CARD10: variants seen among roughly 807,000 people sequenced by gnomAD.
The protein encoded by CARD10 is caspase recruitment domain family member 10.
A neutral mutation model predicts 114.6 loss-of-function variants in CARD10; 49 were observed. That is an observed-to-expected ratio of 0.43 (90% CI 0.34 to 0.54). The LOEUF (loss-of-function observed/expected upper bound fraction) is 0.54. Ranked by LOEUF, CARD10 falls within the 20% of genes least tolerant of loss-of-function variation. The pLI, the probability that CARD10 is intolerant of heterozygous loss-of-function variation, is 0.03. For missense variants in CARD10, 1,206 were observed against 1,397.2 expected (o/e 0.86, Z 2.18); for synonymous variants, 602 against 593.2 (o/e 1.01, Z -0.21).
intron 3 of CARD10, among the ~76,000 whole-genome samples, chr22:37,515,647 G>C (rs1356017688): frequency 2.6e-5 from 4 of 151,842 alleles, no homozygotes; most frequent in African/African-American, 7.3e-5. Context: ...TTTTAGGCTA[G>C]GTAATTCTTT....
rs2145754617 is a variant in CARD10 at position 37,496,111 on chromosome 22, C to T, written c.2060-108G>A. 1 of 1,401,172 alleles carries T rather than the reference C, an allele frequency of 7.1e-7. No individual in the cohort carries two copies. Among genetic ancestry groups the T allele is most frequent in the South Asian group, 1.4e-5 (1 of 73,452 alleles). 86.8% of individuals were successfully genotyped at this position (1,401,172 alleles called of 1,614,324 possible). A position where few individuals can be genotyped will look rare whatever the true frequency, so the allele number is the denominator to read the frequency against. The stretch of plus-strand genomic sequence containing the variant: ...ACATGGCCCTCTCGAGGCCTGAGTT[C>T]CCAGGACCCGACCTTCACCTTCTTA... On this transcript the variant is annotated intron_variant, in intron 13 of 19. Transcript: ENST00000251973. This position sits in a 1 kb window ranked among gnomAD's most constrained non-coding sequence, Gnocchi z 4.1.
At position 37,492,358 on chromosome 22, in the gene CARD10, T is replaced by C; in HGVS notation, c.2751+77A>G. Reference sequence around the variant, plus strand: ...CAGAGCATGGCCCGCGCTCAGACGCTGGCGCTCAAGCCCAGAACAGCAGCA... The same window carrying C: ...CAGAGCATGGCCCGCGCTCAGACGCCGGCGCTCAAGCCCAGAACAGCAGCA... On this transcript the variant is annotated intron_variant, in intron 18 of 19. Coordinates refer to ENST00000251973, the MANE Select transcript of CARD10 (RefSeq NM_014550.4). The surrounding 1 kb of genome is among the most constrained non-coding windows in gnomAD (Gnocchi z 5.7). 8.9e-7 allele frequency: 1 copy of C among 1,122,584 alleles called. No homozygotes were observed. The highest frequency in any genetic ancestry group is 2.6e-5 in the Admixed American group (1 of 38,346). 69.5% of individuals were successfully genotyped at this position (1,122,584 alleles called of 1,614,324 possible). A position where few individuals can be genotyped will look rare whatever the true frequency, so the allele number is the denominator to read the frequency against.
At position 37,519,364 on chromosome 22, in the gene CARD10, G is replaced by A. The variant is rs944422877; in HGVS notation, c.-164C>T. The A allele has an allele frequency of 1.6e-6, 2 of 1,231,126 alleles. No homozygotes were observed. Among genetic ancestry groups the A allele is most frequent in the Non-Finnish European group, 2.0e-6 (2 of 987,616 alleles). The allele number at this position is 1,231,126 out of a possible 1,614,324, so 76.3% of individuals were successfully genotyped here. A position where few individuals can be genotyped will look rare whatever the true frequency, so the allele number is the denominator to read the frequency against. ...TCACCCCGCACGCTACAGTCGCCTC[G>A]GGCTCCCGGGTCCGCACTCGGGCGG... is the stretch of plus-strand genomic sequence containing the variant. On this transcript the variant is annotated 5_prime_UTR_variant, in exon 1 of 20. Transcript: ENST00000251973. The surrounding 1 kb of genome is among the most constrained non-coding windows in gnomAD (Gnocchi z 4.1).
chr22:37,492,801 C>T lies in CARD10; in HGVS notation c.2478G>A (p.Glu826=). The T allele has an allele frequency of 6.2e-7, 1 of 1,610,636 alleles. No homozygotes were observed. Among genetic ancestry groups the T allele is most frequent in the East Asian group, 2.2e-5 (1 of 44,856 alleles). ...TGTAGGGTCTGAGGCTCCGCTCCGG[C>T]TCTGTGGCAGGGGAGGGGCGCAAAA... The part of the protein sequence containing the change: ...PDQLLLEPCA[E]PERSLRPYSL... Residue 826 remains glutamate (E), a splice_region_variant and synonymous_variant, in exon 17 of 20, where the codon GAG becomes GAA. Transcript: ENST00000251973. This position sits in a 1 kb window ranked among gnomAD's most constrained non-coding sequence, Gnocchi z 5.7.
chr22:37,499,144 G>C (rs750330231), intron 11 of CARD10, among the ~76,000 whole-genome samples: 1 of 152,028 alleles, frequency 6.6e-6, no homozygotes, highest in South Asian at 2.1e-4. Flanking sequence ...CATGTGTACC[G>C]GGTTTCTCTC....
At chr22:37,515,914 A>T in intron 3 of CARD10, 59 bp downstream of exon 3, 1 of 1,377,514 alleles carries the variant, frequency 7.3e-7, no homozygotes, top group Non-Finnish European at 9.9e-7. Flanking sequence ...CTGGCTGGCT[A>T]CTACATTGCA....
In CARD10 at chr22:37,494,131, G is replaced by T. The variant is rs1340949360; in HGVS notation, c.2431C>A (p.Pro811Thr). 5 of 1,560,108 alleles carry T rather than the reference G, an allele frequency of 3.2e-6. 1 individual carries two copies. The South Asian group carries it at 4.7e-5, about 15-fold the overall frequency. Residue 811 changes from proline (P) to threonine (T), a missense_variant, in exon 16 of 20, where the codon CCT (proline) becomes ACT (threonine). By Grantham distance (38) the Pro-to-Thr change is conservative (BLOSUM62 -1). This residue lies in a region of CARD10 where 1,068 missense variants were observed against 1,179.1 expected (regional missense o/e 0.91). Transcript: ENST00000251973. Reference sequence around the variant, plus strand: ...AGCTGATCCGGGGAGTCCCCTGCAGGCGCCCCCACGGGCTTGGGCCTCACC... The same window carrying T: ...AGCTGATCCGGGGAGTCCCCTGCAGTCGCCCCCACGGGCTTGGGCCTCACC... The part of the protein sequence containing the change: ...RLVRPKPVGA[P>T]AGDSPDQLLL...
chr22:37,501,555 T>C lies in CARD10; in HGVS notation c.1787+1047A>G, dbSNP rs1289448242. On this transcript the variant is annotated intron_variant, in intron 11 of 19. Transcript: ENST00000251973. The surrounding 1 kb of genome is among the most constrained non-coding windows in gnomAD (Gnocchi z 5.4). ...CTGGTCCTATGCTGTACCCATCTGC[T>C]GCGTGACCCATCCCTCTGCACCCAA... 6.6e-6 allele frequency among the ~76,000 whole-genome samples: 1 copy of C among 152,204 alleles called. No homozygotes were observed. Among genetic ancestry groups the C allele is most frequent in the African/African-American group, 2.4e-5 (1 of 41,462 alleles).
rs1265162481 is a variant in CARD10, at chr22:37,504,254, C to G, written c.1566G>C (p.Leu522=). 5 of 1,579,850 alleles carry G rather than the reference C, an allele frequency of 3.2e-6. No homozygotes were observed. Among genetic ancestry groups the G allele is most frequent in the Non-Finnish European group, 4.3e-6 (5 of 1,162,282 alleles). ...SEKEINRLSI[L]PFPPSAGSIL... ...TGGAGCCGGCACTGGGGGGGAAGGGCAGGATGGAGAGCCGATTGATCTCCT... is the reference window on the plus strand; with the variant it reads ...TGGAGCCGGCACTGGGGGGGAAGGGGAGGATGGAGAGCCGATTGATCTCCT... Residue 522 remains leucine, a synonymous_variant, in exon 9 of 20, where the codon CTG becomes CTC. Transcript: ENST00000251973.
rs777663688 is a variant in CARD10 at position 37,507,815 on chromosome 22, C to T, written c.1191+14G>A. ...CAACTGGCCCAGGGCCTCGTACACGCAGGCTGGGCTCACCTGGTCTCGCTC... is the reference window on the plus strand; with the variant it reads ...CAACTGGCCCAGGGCCTCGTACACGTAGGCTGGGCTCACCTGGTCTCGCTC... On this transcript the variant is annotated intron_variant, in intron 6 of 19. Transcript: ENST00000251973. The T allele has an allele frequency of 2.4e-5, 38 of 1,614,052 alleles. 1 individual carries two copies. In the Middle Eastern group the frequency reaches 5.0e-4, roughly 21 times the overall value.
chr22:37,500,640 G>A (rs551368889), intron 11 of CARD10, among the ~76,000 whole-genome samples: 7 of 152,226 alleles, frequency 4.6e-5, no homozygotes, highest in South Asian at 4.1e-4. Context: ...CACACAATAC[G>A]GATGTGAGAT....
At position 37,498,905 on chromosome 22, in the gene CARD10, T is replaced by TG. The variant is rs57436795; in HGVS notation, c.1788-1728dup. Among the ~76,000 whole-genome samples the TG allele has an allele frequency of 9.9e-3, 748 of 75,556 alleles. 2 individuals are homozygous for TG. The highest frequency in any genetic ancestry group is 0.016 in the East Asian group (41 of 2,548). The allele number at this position is 75,556 out of a possible 152,430, so 49.6% of individuals were successfully genotyped here. On this transcript the variant is annotated intron_variant, in intron 11 of 19. Transcript: ENST00000251973. Reference sequence around the variant, plus strand: ...CTTGCCCTCTGTGGGTGCTGGGGGGTGGGGGGGGGGGGCACATGAATAAAA... The same window carrying TG: ...CTTGCCCTCTGTGGGTGCTGGGGGGTGGGGGGGGGGGGGCACATGAATAAAA...
intron 6 of CARD10, 107 bp from the exon 7 acceptor site, chr22:37,506,490 T>A: frequency 1.3e-6 from 1 of 781,094 alleles, no homozygotes; most frequent in East Asian, 2.8e-5. Flanking sequence ...CAGCTATCAC[T>A]TACTGAGCAC....
At chr22:37,508,758 C>A in intron 4 of CARD10, 76 bp from the exon 5 acceptor site, 4 of 1,443,266 alleles carry the variant, frequency 2.8e-6, no homozygotes, top group Non-Finnish European at 3.7e-6. Context: ...AGGGGACACG[C>A]AGCTCTCAGC....
In CARD10 at chr22:37,492,903, G is replaced by T; in HGVS notation, c.2477-101C>A. On this transcript the variant is annotated intron_variant, in intron 16 of 19. Transcript: ENST00000251973. The surrounding 1 kb of genome is among the most constrained non-coding windows in gnomAD (Gnocchi z 5.7). ...CACCCCGCCACCCATCCCTTCCTAA[G>T]TCCTGCTGCTGCTCCTCCTACACAT... 1 of 1,262,908 alleles carries T rather than the reference G, an allele frequency of 7.9e-7. No individual in the cohort carries two copies. The highest frequency in any genetic ancestry group is 1.1e-6 in the Non-Finnish European group (1 of 918,006). The allele number at this position is 1,262,908 out of a possible 1,614,324, so 78.2% of individuals were successfully genotyped here.
At chr22:37,511,375 A>G (rs11705581) in intron 3 of CARD10, among the ~76,000 whole-genome samples, 13,850 of 115,752 alleles carry the variant, frequency 0.12, 1,134 homozygotes, top group Non-Finnish European at 0.17. Context: ...AAAAAAAAAA[A>G]AAGAAGAAGA....
Position 37,491,242 on chromosome 22 carries a change from C to A in CARD10, c.3016G>T (p.Gly1006Cys). ...CGGGCCTGCTCCTGCAGGATGCGGC[C>A]GCGCACCACCTTGGCCAGCTCCTCT... ...HAEELAKVVR[G>C]RILQEQARLV... Residue 1006 changes from glycine to cysteine, a missense_variant, in exon 20 of 20, where the codon GGC becomes TGC. Around this residue, in one of 2 missense-constraint regions of CARD10, gnomAD observed 1,068 missense variants for 1,179.1 expected, o/e 0.91. Transcript: ENST00000251973. 6.4e-7 allele frequency: 1 copy of A among 1,566,370 alleles called. No individual in the cohort carries two copies. The highest frequency in any genetic ancestry group is 1.3e-5 in the African/African-American group (1 of 74,210).
rs1170225259 is a variant in CARD10 at position 37,519,323 on chromosome 22, C to T, written c.-123G>A. On this transcript the variant is annotated 5_prime_UTR_variant, in exon 1 of 20. Transcript: ENST00000251973. The surrounding 1 kb of genome is among the most constrained non-coding windows in gnomAD (Gnocchi z 4.1). ...GCAGACCCGCCGTCGGGGGCGCGCC[C>T]CGAGCTCCCCGCGACTCACCCCGCA... 2 of 1,339,090 alleles carry T rather than the reference C, an allele frequency of 1.5e-6. No homozygotes were observed. Among genetic ancestry groups the T allele is most frequent in the Non-Finnish European group, 9.5e-7 (1 of 1,048,650 alleles). The allele number at this position is 1,339,090 out of a possible 1,614,324, so 83.0% of individuals were successfully genotyped here.
chr22:37,503,913 T>C lies in CARD10; in HGVS notation c.1634+273A>G, dbSNP rs760381546. Reference sequence around the variant, plus strand: ...GAACCATCAAGCTTCTCCTTGGGTATAGGATCTTCAAGGCTTGACCCCCAG... The same window carrying C: ...GAACCATCAAGCTTCTCCTTGGGTACAGGATCTTCAAGGCTTGACCCCCAG... On this transcript the variant is annotated intron_variant, in intron 9 of 19. Coordinates refer to ENST00000251973, the MANE Select transcript of CARD10 (RefSeq NM_014550.4). 131 of 613,010 alleles carry C rather than the reference T, an allele frequency of 2.1e-4. No homozygotes were observed. The Middle Eastern group carries it at 5.7e-3, about 27-fold the overall frequency. 38.0% of individuals were successfully genotyped at this position (613,010 alleles called of 1,614,324 possible). A position where few individuals can be genotyped will look rare whatever the true frequency, so the allele number is the denominator to read the frequency against.
Sources: gnomAD v4.1 joint callset for allele counts (sites outside exome capture counted in the v4.1 genomes callset) on GRCh38, gnomAD v4.1.1 for gene constraint, gnomAD v4.1.1 regional missense constraint, Gnocchi (gnomAD v3.1) non-coding constraint, MANE v1.5 for transcripts, NCBI Gene and HGNC (gene_info 2026-07-23, HGNC 2026-07-21) for gene names.